The following ADTRP variants were observed in gnomAD, a reference collection of about 807,000 sequenced individuals.
The protein encoded by ADTRP is androgen-dependent TFPI-regulating protein.
ADTRP carries 20 observed loss-of-function variants against 27.0 expected under a neutral mutation model. That is an observed-to-expected ratio of 0.74 (90% confidence interval 0.52 to 1.08). The LOEUF is 1.08. Ranked by LOEUF, ADTRP falls within the 50% of genes least tolerant of loss-of-function variation. ADTRP has a pLI of 0.00. For missense variants in ADTRP, 251 were observed against 275.0 expected, an observed-to-expected ratio of 0.91 and a Z score of 0.62; for synonymous variants, 101 against 105.2, an observed-to-expected ratio of 0.96 and a Z score of 0.25.
In ADTRP at chr6:11,768,351, G is replaced by C; in HGVS notation, c.186C>G (p.Cys62Trp). The C allele has an allele frequency of 6.2e-7, 1 of 1,614,154 alleles. No individual in the cohort carries two copies. Among genetic ancestry groups the C allele is most frequent in the Non-Finnish European group, 8.5e-7 (1 of 1,180,024 alleles). ...TGGTTCTTTTCAGCACATCATCCAG[G>C]CAGGTGACCCCGTAGAAAATGGTCT... ...LLQTIFYGVT[C>W]LDDVLKRTKG... Residue 62 changes from cysteine to tryptophan, a missense_variant, in exon 2 of 6, where the codon TGC (cysteine) becomes TGG (tryptophan). By Grantham distance (215) the Cys-to-Trp change is radical. Transcript: ENST00000414691.
chr6:11,758,575 T>G (rs867078509), intron 3 of ADTRP, among the ~76,000 whole-genome samples: 477 of 29,354 alleles, frequency 0.016, 1 homozygote, highest in Non-Finnish European at 0.019. Context: ...TGTTGTGGGG[T>G]GGGGGGGGGG....
chr6:11,773,045 G>T (rs928727106), intron 1 of ADTRP, among the ~76,000 whole-genome samples: 3 of 152,172 alleles, frequency 2.0e-5, no homozygotes, highest in Admixed American at 2.0e-4. Flanking sequence ...CTTCATGATG[G>T]GATGGCCTCA....
At chr6:11,777,413 C>T (rs1260095726) in intron 1 of ADTRP, among the ~76,000 whole-genome samples, 5 of 151,966 alleles carry the variant, frequency 3.3e-5, no homozygotes, top group Non-Finnish European at 5.9e-5. Flanking sequence ...TTTTAGTGGA[C>T]TGTTTTTCAT....
chr6:11,718,942 C>T (rs914332090), intron 5 of ADTRP, among the ~76,000 whole-genome samples: 7 of 152,244 alleles, frequency 4.6e-5, no homozygotes, highest in Non-Finnish European at 8.8e-5. Flanking sequence ...AGGACCTCAT[C>T]ATACACTTTC....
chr6:11,758,390 G>A (rs1763280071), intron 3 of ADTRP, among the ~76,000 whole-genome samples: 1 of 152,082 alleles, frequency 6.6e-6, no homozygotes, highest in Non-Finnish European at 1.5e-5. Flanking sequence ...GTGTAGCTAC[G>A]TGAAACACAG....
At chr6:11,754,936 T>C (rs1490091108) in intron 3 of ADTRP, 5 of 748,540 alleles carry the variant, frequency 6.7e-6, no homozygotes, top group Middle Eastern at 6.7e-4. Context: ...ACGTCTGTCT[T>C]GAGATCATGG....
At chr6:11,773,228 G>A (rs138748280) in intron 1 of ADTRP, among the ~76,000 whole-genome samples, 1,895 of 152,252 alleles carry the variant, frequency 0.012, 28 homozygotes, top group Non-Finnish European at 0.021. Context: ...AAGATGATGA[G>A]GAGAAGGGGG....
chr6:11,732,247 G>A (rs766692696), intron 4 of ADTRP, among the ~76,000 whole-genome samples: 15 of 152,156 alleles, frequency 9.9e-5, no homozygotes, highest in Non-Finnish European at 1.6e-4. Context: ...TGGTTTCGGC[G>A]GTGAAATGCT....
At chr6:11,733,732 C>T (rs1411845840) in intron 4 of ADTRP, among the ~76,000 whole-genome samples, 2 of 152,308 alleles carry the variant, frequency 1.3e-5, no homozygotes, top group African/African-American at 2.4e-5. Context: ...GAATGGATAA[C>T]GATGCACTTG....
intron 1 of ADTRP, chr6:11,770,124 A>G: frequency 6.5e-7 from 1 of 1,535,368 alleles, no homozygotes; most frequent in Non-Finnish European, 8.8e-7. Context: ...CAGGTTTCTG[A>G]GCGTAGTTCA....
intron 3 of ADTRP, 79 bp from the exon 4 acceptor site, chr6:11,735,762 C>T (rs1762529465): frequency 1.1e-6 from 1 of 943,738 alleles, no homozygotes; most frequent in Admixed American, 1.9e-5. Flanking sequence ...TGTTCCCCTT[C>T]CAGTCTACCT....
chr6:11,759,374 C>T (rs1398057452), intron 3 of ADTRP, among the ~76,000 whole-genome samples: 2 of 152,240 alleles, frequency 1.3e-5, no homozygotes, highest in Non-Finnish European at 2.9e-5. Context: ...ACCTCCTTCT[C>T]TGACCAGCCA....
At chr6:11,752,302 G>A (rs936515140) in intron 3 of ADTRP, among the ~76,000 whole-genome samples, 11 of 151,508 alleles carry the variant, frequency 7.3e-5, no homozygotes, top group East Asian at 3.9e-4. Context: ...TTACGGTTTC[G>A]CTATATGGCC....
At chr6:11,751,366 T>A (rs1032990592) in intron 3 of ADTRP, among the ~76,000 whole-genome samples, 1 of 152,190 alleles carries the variant, frequency 6.6e-6, no homozygotes, top group Non-Finnish European at 1.5e-5. Context: ...CAAATTCCCA[T>A]TAATATTTTT....
intron 3 of ADTRP, among the ~76,000 whole-genome samples, chr6:11,746,945 C>T (rs917192716): frequency 1.3e-5 from 2 of 152,180 alleles, no homozygotes; most frequent in African/African-American, 4.8e-5. Flanking sequence ...CATAGAGATG[C>T]TCCCCAGAGG....
At chr6:11,777,012 T>C (rs1272925051) in intron 1 of ADTRP, among the ~76,000 whole-genome samples, 1 of 152,214 alleles carries the variant, frequency 6.6e-6, no homozygotes, top group Non-Finnish European at 1.5e-5. Flanking sequence ...GTCATCCAGG[T>C]AGGCTTAATA....
At chr6:11,728,258 T>C (rs1762279896) in intron 4 of ADTRP, 1 of 152,394 alleles carries the variant, frequency 6.6e-6, no homozygotes, top group Admixed American at 6.5e-5. Flanking sequence ...TCCGGTAATC[T>C]TCCTAAAAGC....
intron 1 of ADTRP, among the ~76,000 whole-genome samples, chr6:11,777,473 T>C (rs536077612): frequency 1.0e-3 from 104 of 100,306 alleles, no homozygotes; most frequent in Non-Finnish European, 1.5e-3. Context: ...TATGCGCGTG[T>C]GTGTGTGTGG....
intron 4 of ADTRP, among the ~76,000 whole-genome samples, chr6:11,727,978 G>A (rs529800776): frequency 5.2e-5 from 6 of 115,428 alleles, no homozygotes; most frequent in African/African-American, 2.1e-4. Context: ...AGGGAGGTAG[G>A]TAGGGAGGGA....
Sources: gnomAD v4.1 joint callset for allele counts (sites outside exome capture counted in the v4.1 genomes callset) on GRCh38, gnomAD v4.1.1 for gene constraint, MANE v1.5 for transcripts, NCBI Gene and HGNC (gene_info 2026-07-23, HGNC 2026-07-21) for gene names.